PPP4R3B: variants seen among roughly 807,000 people sequenced by gnomAD.
PPP4R3B encodes the protein protein phosphatase 4 regulatory subunit 3B, also known as serine/threonine-protein phosphatase 4 regulatory subunit 3B.
A neutral mutation model predicts 95.4 loss-of-function variants in PPP4R3B; 52 were observed. That is an observed-to-expected ratio of 0.54 (90% CI 0.44 to 0.69). The LOEUF (loss-of-function observed/expected upper bound fraction) is 0.69, where lower values mean the gene tolerates loss of function less well. Ranked by LOEUF, PPP4R3B falls within the 30% of genes least tolerant of loss-of-function variation. The pLI is 0.00. For missense variants in PPP4R3B, 1,003 were observed against 1,005.9 expected, an observed-to-expected ratio of 1.00 and a Z score of 0.04; for synonymous variants, 407 against 343.9, an observed-to-expected ratio of 1.18 and a Z score of -2.03.
At chr2:55,611,316 C>A (rs933180973) in intron 2 of PPP4R3B, among the ~76,000 whole-genome samples, 3 of 152,200 alleles carry the variant, frequency 2.0e-5, no homozygotes, top group African/African-American at 7.2e-5. Flanking sequence ...CACACGCCAC[C>A]ACACCTGGCT....
At chr2:55,603,454 A>G (rs1692932421) in intron 3 of PPP4R3B, among the ~76,000 whole-genome samples, 1 of 152,178 alleles carries the variant, frequency 6.6e-6, no homozygotes, top group Non-Finnish European at 1.5e-5. Flanking sequence ...TCTGCATTAT[A>G]GTTATATTTT....
At chr2:55,589,415 C>A (rs1418606684) in intron 4 of PPP4R3B, among the ~76,000 whole-genome samples, 1 of 152,140 alleles carries the variant, frequency 6.6e-6, no homozygotes, top group Non-Finnish European at 1.5e-5. Flanking sequence ...GATAAAGTTA[C>A]AAAGCTATTT....
rs377399177 is a variant in PPP4R3B at position 55,550,020 on chromosome 2, T to A, written c.2455-14A>T. 11 of 1,579,002 alleles carry A rather than the reference T, an allele frequency of 7.0e-6. 1 individual carries two copies. Among genetic ancestry groups the A allele is most frequent in the Middle Eastern group, 3.3e-4 (2 of 6,002 alleles). ...AACCAAACTTCCCTATTGAAGAATT[T>A]AAAAATTTTTTCTTTAAACATATAT... On this transcript the variant is annotated splice_polypyrimidine_tract_variant and intron_variant, in intron 16 of 16. Coordinates refer to ENST00000616407, the MANE Select transcript of PPP4R3B (RefSeq NM_001122964.3).
intron 15 of PPP4R3B, among the ~76,000 whole-genome samples, chr2:55,561,178 A>T (rs1333518501): frequency 6.6e-6 from 1 of 151,548 alleles, no homozygotes; most frequent in Non-Finnish European, 1.5e-5. Context: ...ATGGCTTTAG[A>T]GCGTGCAAGC....
Position 55,571,900 on chromosome 2 carries a change from G to A in PPP4R3B, c.1765+1719C>T, listed in dbSNP as rs535960273. ...TCCCAAAGTGCTGGGATTTACAGGC[G>A]TGAGCCACTGCGCCTGGCCAACACT... On this transcript the variant is annotated intron_variant, in intron 12 of 16. Coordinates refer to ENST00000616407, the MANE Select transcript of PPP4R3B (RefSeq NM_001122964.3). Among the ~76,000 whole-genome samples, 9 of 152,314 alleles carry A rather than the reference G, an allele frequency of 5.9e-5. No homozygotes were observed. The South Asian group carries it at 8.3e-4, about 14-fold the overall frequency.
intron 16 of PPP4R3B, among the ~76,000 whole-genome samples, chr2:55,557,577 T>A (rs192927450): frequency 1.3e-5 from 2 of 152,212 alleles, no homozygotes; most frequent in Admixed American, 6.5e-5. Flanking sequence ...ACATAAAATA[T>A]GTTTCAAATA....
intron 4 of PPP4R3B, 37 bp from the exon 5 acceptor site, chr2:55,588,993 A>C (rs1032742087): frequency 3.1e-6 from 4 of 1,287,330 alleles, no homozygotes. Context: ...AATATTAACA[A>C]AAGAATAAAG....
intron 2 of PPP4R3B, among the ~76,000 whole-genome samples, chr2:55,611,204 G>A (rs1694120269): frequency 6.6e-6 from 1 of 151,966 alleles, no homozygotes; most frequent in Admixed American, 6.6e-5. Context: ...AGGCTGGGGT[G>A]CAATGGCTAC....
At chr2:55,570,383 G>C (rs1687855240) in intron 12 of PPP4R3B, among the ~76,000 whole-genome samples, 1 of 152,214 alleles carries the variant, frequency 6.6e-6, no homozygotes, top group Non-Finnish European at 1.5e-5. Context: ...TTTGTTAAAA[G>C]TAAAACAGAG....
At chr2:55,610,800 C>T (rs1057427064) in intron 2 of PPP4R3B, among the ~76,000 whole-genome samples, 1 of 151,376 alleles carries the variant, frequency 6.6e-6, no homozygotes, top group Non-Finnish European at 1.5e-5. Context: ...AATAAAACTG[C>T]AATGAGGATT....
intron 11 of PPP4R3B, 108 bp from the exon 12 acceptor site, chr2:55,573,885 C>CCT (rs1688310608): frequency 2.1e-6 from 1 of 479,472 alleles, no homozygotes; most frequent in Non-Finnish European, 3.1e-6. Flanking sequence ...TGTATTTCCT[C>CCT]CTTTTTTTTT....
rs183639543 is a variant in PPP4R3B at position 55,578,744 on chromosome 2, G to T, written c.1469-402C>A. Among the ~76,000 whole-genome samples, 543 of 152,128 alleles carry T rather than the reference G, an allele frequency of 3.6e-3. 5 individuals are homozygous for T. Among genetic ancestry groups the T allele is most frequent in the Non-Finnish European group, 6.2e-3 (424 of 67,910 alleles). ...AATGGAACTGATAGTATTACATAGG[G>T]TGTGCTCATGTTTCAACTTTATTAG... is the stretch of plus-strand genomic sequence containing the variant. On this transcript the variant is annotated intron_variant, in intron 9 of 16. Coordinates refer to ENST00000616407, the MANE Select transcript of PPP4R3B (RefSeq NM_001122964.3).
In PPP4R3B at chr2:55,617,124, T is replaced by C; in HGVS notation, c.142+20A>G. The C allele has an allele frequency of 1.2e-6, 2 of 1,604,222 alleles. No individual in the cohort carries two copies. The highest frequency in any genetic ancestry group is 1.3e-5 in the African/African-American group (1 of 74,482). On this transcript the variant is annotated intron_variant, in intron 1 of 16. Transcript: ENST00000616407. ...CAACCAGAGGCACTATCCCCTATTC[T>C]ACAGTTCCGATAACCTTACCGTCGG...
intron 2 of PPP4R3B, among the ~76,000 whole-genome samples, chr2:55,609,300 C>T (rs1048472570): frequency 1.3e-5 from 2 of 152,300 alleles, no homozygotes; most frequent in East Asian, 3.9e-4. Context: ...GGGACTACTA[C>T]TGGCATGCTA....
In PPP4R3B at chr2:55,578,987, A is replaced by C. The variant is rs146096314; in HGVS notation, c.1469-645T>G. Among the ~76,000 whole-genome samples the C allele has an allele frequency of 5.0e-3, 756 of 152,204 alleles. 5 individuals are homozygous for C. Among genetic ancestry groups the C allele is most frequent in the African/African-American group, 0.018 (731 of 41,572 alleles). On this transcript the variant is annotated intron_variant, in intron 9 of 16. Transcript: ENST00000616407. The stretch of plus-strand genomic sequence containing the variant: ...CAGAGAACTGTAATATCTACAGTTA[A>C]GTTGAATATAGAAGGACTCAATTTA...
At chr2:55,614,598 A>G (rs1213819372) in intron 2 of PPP4R3B, 1 of 152,190 alleles carries the variant, frequency 6.6e-6, no homozygotes, top group Non-Finnish European at 1.5e-5. Flanking sequence ...GCATGTACAC[A>G]AAGAATACAC....
Position 55,579,748 on chromosome 2 carries a change from A to G in PPP4R3B, c.1399T>C (p.Tyr467His). 1 of 1,606,848 alleles carries G rather than the reference A, an allele frequency of 6.2e-7. No individual in the cohort carries two copies. Among genetic ancestry groups the G allele is most frequent in the African/African-American group, 1.3e-5 (1 of 74,630 alleles). ...GTGAGAACATGCATACAATGGTTGT[A>G]GAAAAAATTTAGAAATTCACTTTTT... ...TEKSEFLNFF[Y>H]NHCMHVLTAP... The change falls in exon 9 of 17, where the codon TAC (tyrosine) becomes CAC (histidine). Residue 467 changes from tyrosine to histidine, a missense_variant. Physicochemically the swap from Tyr to His is moderately conservative, Grantham distance 83 (BLOSUM62 2). Coordinates refer to ENST00000616407, the MANE Select transcript of PPP4R3B (RefSeq NM_001122964.3).
chr2:55,557,772 C>T (rs1439614433), intron 16 of PPP4R3B, among the ~76,000 whole-genome samples: 1 of 151,884 alleles, frequency 6.6e-6, no homozygotes, highest in Non-Finnish European at 1.5e-5. Flanking sequence ...AATAGTTGTC[C>T]CCTATTTATG....
At chr2:55,615,622 G>C in intron 1 of PPP4R3B, 116 bp from the exon 2 acceptor site, 2 of 620,868 alleles carry the variant, frequency 3.2e-6, no homozygotes, top group Non-Finnish European at 5.5e-6. Context: ...AGCACTTTGG[G>C]AGGCGGGCAG....
Sources: gnomAD v4.1 joint callset for allele counts (sites outside exome capture counted in the v4.1 genomes callset) on GRCh38, gnomAD v4.1.1 for gene constraint, MANE v1.5 for transcripts, NCBI Gene and HGNC (gene_info 2026-07-23, HGNC 2026-07-21) for gene names.